The following TVP23A variants were observed in gnomAD, a reference collection of about 807,000 sequenced individuals.
The protein encoded by TVP23A is trans-golgi network vesicle protein 23 homolog A, also known as Golgi apparatus membrane protein TVP23 homolog A.
Under a neutral mutation model 31.7 loss-of-function variants are expected in TVP23A, and 21 were observed. That is an observed-to-expected ratio of 0.66 (90% CI 0.47 to 0.95). TVP23A has a LOEUF of 0.95. TVP23A is among the 40% of genes least tolerant of loss of function. The probability of loss-of-function intolerance (pLI) is 0.00; values close to 1 mark genes in which losing one functional copy is unlikely to be tolerated. For missense variants in TVP23A, 279 were observed against 255.6 expected, an observed-to-expected ratio of 1.09 and a Z score of -0.62; for synonymous variants, 104 against 96.0, an observed-to-expected ratio of 1.08 and a Z score of -0.49.
intron 2 of TVP23A, among the ~76,000 whole-genome samples, chr16:10,802,121 CAT>C (rs1256789957): frequency 1.7e-4 from 26 of 151,492 alleles, no homozygotes; most frequent in Admixed American, 1.4e-3. Context: ...CACACACACA[CAT>C]ACACACACAC....
Position 10,768,995 on chromosome 16 carries a change from T to A in TVP23A, c.*107A>T. ...CCCTCCCCAGCACAGGACAGGGCTG[T>A]CAAGGGGTAGACAAGCCATTAGCAC... On this transcript the variant is annotated 3_prime_UTR_variant, in exon 8 of 8. Coordinates refer to ENST00000299866, the MANE Select transcript of TVP23A (RefSeq NM_001079512.4). This position sits in a 1 kb window ranked among gnomAD's most constrained non-coding sequence, Gnocchi z 4.3. 6.5e-7 allele frequency: 1 copy of A among 1,539,912 alleles called. No individual in the cohort carries two copies. Among genetic ancestry groups the A allele is most frequent in the Admixed American group, 1.7e-5 (1 of 59,864 alleles).
chr16:10,782,785 TGA>T (rs1301470165), intron 2 of TVP23A, among the ~76,000 whole-genome samples: 2 of 152,166 alleles, frequency 1.3e-5, no homozygotes, highest in African/African-American at 4.8e-5. Flanking sequence ...ATTACAGGTG[TGA>T]GCCACTGCGC....
intron 2 of TVP23A, among the ~76,000 whole-genome samples, chr16:10,805,005 T>C (rs900896841): frequency 9.2e-5 from 14 of 152,118 alleles, no homozygotes; most frequent in African/African-American, 3.4e-4. Flanking sequence ...GTTCATCTAT[T>C]CTGAGCAATC....
At chr16:10,784,239 G>C (rs974839871) in intron 2 of TVP23A, among the ~76,000 whole-genome samples, 3 of 151,738 alleles carry the variant, frequency 2.0e-5, no homozygotes, top group Non-Finnish European at 2.9e-5. Context: ...TGAGGAAGGA[G>C]AATTGCCTGA....
rs890103416 is a variant in TVP23A at position 10,775,278 on chromosome 16, C to T, written c.90-182G>A. On this transcript the variant is annotated intron_variant, in intron 2 of 7. Transcript: ENST00000299866. Reference sequence around the variant, plus strand: ...GGACACATCATTAGGTCAGCAGTCCCCAGACAGTCATGCTGACACTGTTTT... The same window carrying T: ...GGACACATCATTAGGTCAGCAGTCCTCAGACAGTCATGCTGACACTGTTTT... The T allele has an allele frequency of 6.3e-6, 9 of 1,425,004 alleles. No homozygotes were observed. The Admixed American group carries it at 2.1e-4, about 33-fold the overall frequency. 88.3% of individuals were successfully genotyped at this position (1,425,004 alleles called of 1,614,324 possible). A position where few individuals can be genotyped will look rare whatever the true frequency, so the allele number is the denominator to read the frequency against.
At chr16:10,761,971 A>G (rs561080948), downstream of TVP23A, 3 of 807,702 alleles carry the variant, frequency 3.7e-6, no homozygotes, top group African/African-American at 1.7e-5. Flanking sequence ...AGGAGGGTCA[A>G]TGGGGCGCTG....
intron 2 of TVP23A, among the ~76,000 whole-genome samples, chr16:10,786,423 G>C (rs1254193252): frequency 6.6e-6 from 1 of 151,206 alleles, no homozygotes; most frequent in East Asian, 1.9e-4. Flanking sequence ...TGGGGACAGA[G>C]GGAGAACTTG....
At chr16:10,797,052 T>C (rs1472776797) in intron 2 of TVP23A, among the ~76,000 whole-genome samples, 2 of 128,788 alleles carry the variant, frequency 1.6e-5, no homozygotes, top group African/African-American at 9.3e-5. Context: ...TAGCCAGGCG[T>C]GGTGGCATGA....
intron 2 of TVP23A, among the ~76,000 whole-genome samples, chr16:10,776,019 G>C (rs953000492): frequency 6.6e-6 from 1 of 151,206 alleles, no homozygotes; most frequent in East Asian, 2.0e-4. Context: ...AAAGTGCTGG[G>C]ATTACAGGCA....
chr16:10,757,868 T>G, downstream of TVP23A: 1 of 1,612,442 alleles, frequency 6.2e-7, no homozygotes, highest in Non-Finnish European at 8.5e-7. This position sits in a 1 kb window ranked among gnomAD's most constrained non-coding sequence, Gnocchi z 4.1. Flanking sequence ...GATTCCTCTT[T>G]CTAGGCATGA....
At chr16:10,769,866 C>G (rs2142861623) in intron 7 of TVP23A, among the ~76,000 whole-genome samples, 1 of 152,320 alleles carries the variant, frequency 6.6e-6, no homozygotes, top group Middle Eastern at 3.4e-3. Flanking sequence ...TTGAGACACA[C>G]AGGATCTGAG....
At chr16:10,812,795 ACT>A (rs1306523764) in intron 2 of TVP23A, among the ~76,000 whole-genome samples, 9 of 152,198 alleles carry the variant, frequency 5.9e-5, no homozygotes, top group Non-Finnish European at 4.4e-5. Context: ...AGATGAAAAC[ACT>A]CTGTTTCACA....
intron 2 of TVP23A, among the ~76,000 whole-genome samples, chr16:10,790,217 C>G (rs1169438891): frequency 6.6e-6 from 1 of 151,924 alleles, no homozygotes; most frequent in Non-Finnish European, 1.5e-5. Context: ...AATTTTCCCC[C>G]ACAAAGAATG....
intron 2 of TVP23A, among the ~76,000 whole-genome samples, chr16:10,805,080 C>A (rs1231386904): frequency 6.6e-6 from 1 of 152,110 alleles, no homozygotes. Flanking sequence ...CTCTGTCGCC[C>A]AGGCTGGAGT....
intron 2 of TVP23A, among the ~76,000 whole-genome samples, chr16:10,815,928 T>C (rs2034416073): frequency 6.6e-6 from 1 of 150,820 alleles, no homozygotes; most frequent in East Asian, 2.0e-4. Context: ...CCTCCGAAAA[T>C]ATCCAGGTCC....
At chr16:10,774,357 A>C (rs1273071863) in intron 3 of TVP23A, among the ~76,000 whole-genome samples, 1 of 152,168 alleles carries the variant, frequency 6.6e-6, no homozygotes, top group Non-Finnish European at 1.5e-5. Context: ...TTATATGTTC[A>C]TATTATATAT....
Position 10,779,734 on chromosome 16 carries a change from G to T in TVP23A, c.90-4638C>A, listed in dbSNP as rs1300799534. On this transcript the variant is annotated intron_variant, in intron 2 of 7. Coordinates refer to ENST00000299866, the MANE Select transcript of TVP23A (RefSeq NM_001079512.4). The surrounding 1 kb of genome is among the most constrained non-coding windows in gnomAD (Gnocchi z 4.9). ...CGCCAGGCCAACTTAAAATTACCAA[G>T]TTTTCCAGAGCTTATATACCTTCTG... 6.6e-6 allele frequency among the ~76,000 whole-genome samples: 1 copy of T among 152,212 alleles called. No homozygotes were observed. Among genetic ancestry groups the T allele is most frequent in the African/African-American group, 2.4e-5 (1 of 41,456 alleles).
At chr16:10,812,955 T>C (rs2143006560) in intron 2 of TVP23A, among the ~76,000 whole-genome samples, 1 of 152,134 alleles carries the variant, frequency 6.6e-6, no homozygotes, top group Non-Finnish European at 1.5e-5. Flanking sequence ...GAAAAACACA[T>C]ACAGCATGGC....
chr16:10,774,608 T>TCTC (rs1567279871), intron 3 of TVP23A, among the ~76,000 whole-genome samples: 8 of 56,096 alleles, frequency 1.4e-4, no homozygotes, highest in African/African-American at 3.6e-4. Context: ...TTCTCTCTCT[T>TCTC]TTTTTTTTTT....
Sources: allele counts gnomAD v4.1 joint callset (sites outside exome capture counted in the v4.1 genomes callset), GRCh38; gene constraint gnomAD v4.1.1; non-coding constraint Gnocchi (gnomAD v3.1); transcripts MANE v1.5; gene names NCBI Gene and HGNC (gene_info 2026-07-23, HGNC 2026-07-21).